Variants in CRTC1 observed in about 807,000 individuals in gnomAD.
CRTC1 encodes the protein CREB regulated transcription coactivator 1, also known as CREB-regulated transcription coactivator 1.
In CRTC1, 18 loss-of-function variants were observed where a neutral mutation model predicts 66.1. The observed-to-expected ratio is 0.27, with a 90% CI of 0.19 to 0.40. The LOEUF (loss-of-function observed/expected upper bound fraction) is 0.40. Among genes scored for constraint, CRTC1 ranks in the 10% least tolerant of loss-of-function variants. The pLI is 1.00. For synonymous variants in CRTC1, 416 were observed against 398.8 expected, an observed-to-expected ratio of 1.04 and a Z score of -0.51; for missense variants, 669 against 887.9, an observed-to-expected ratio of 0.75 and a Z score of 3.13.
At chr19:18,693,820 G>C (rs2052914873) in intron 1 of CRTC1, among the ~76,000 whole-genome samples, 1 of 150,774 alleles carries the variant, frequency 6.6e-6, no homozygotes, top group Non-Finnish European at 1.5e-5. Flanking sequence ...GATGTACTCT[G>C]TTTTGTTCTA....
intron 6 of CRTC1, among the ~76,000 whole-genome samples, 162 bp from the exon 7 acceptor site, chr19:18,759,389 T>C (rs1284698648): frequency 6.7e-6 from 1 of 149,806 alleles, no homozygotes; most frequent in East Asian, 2.0e-4. Flanking sequence ...GCGGTGCCCC[T>C]GTCCTCCATC....
intron 2 of CRTC1, among the ~76,000 whole-genome samples, chr19:18,745,474 G>T (rs1482801586): frequency 6.6e-6 from 1 of 152,212 alleles, no homozygotes; most frequent in Non-Finnish European, 1.5e-5. Flanking sequence ...TCTGCACCTG[G>T]TGAGACTGGG....
intron 1 of CRTC1, among the ~76,000 whole-genome samples, chr19:18,721,522 T>C (rs1395400485): frequency 1.4e-5 from 2 of 146,274 alleles, no homozygotes; most frequent in Non-Finnish European, 3.0e-5. Flanking sequence ...TTAAACAAGG[T>C]CTTGCTCTGT....
chr19:18,774,981 C>T lies in CRTC1; in HGVS notation c.1507C>T (p.His503Tyr), dbSNP rs551158960. 1.9e-6 allele frequency: 3 copies of T among 1,605,124 alleles called. No homozygotes were observed. In the Admixed American group the frequency reaches 5.0e-5, roughly 27 times the overall value. The change falls in exon 12 of 14, where the codon CAC (histidine) becomes TAC (tyrosine). Residue 503 changes from histidine (H) to tyrosine (Y), a missense_variant. Coordinates refer to ENST00000321949, the MANE Select transcript of CRTC1 (RefSeq NM_015321.3). ...GGCCAGGCAGGCCAATGCTCTGTCC[C>T]ACCAGGTGAGCGGGCGCCCAGGCTG... ...MAARQANALS[H>Y]QLEQFNMMEN...
intron 6 of CRTC1, among the ~76,000 whole-genome samples, chr19:18,757,423 G>A (rs371042956): frequency 1.3e-5 from 2 of 152,174 alleles, no homozygotes; most frequent in Non-Finnish European, 2.9e-5. Flanking sequence ...CCAACTCACC[G>A]GCCTCTGTCT....
In CRTC1 at chr19:18,747,153, T is replaced by A. The variant is rs145628026; in HGVS notation, c.443+39T>A. The A allele has an allele frequency of 0.012, 12,872 of 1,071,094 alleles. 89 individuals are homozygous for A. Among genetic ancestry groups the A allele is most frequent in the South Asian group, 0.021 (1,641 of 78,794 alleles). 66.3% of individuals were successfully genotyped at this position (1,071,094 alleles called of 1,614,324 possible). On this transcript the variant is annotated intron_variant, in intron 4 of 13. Transcript: ENST00000321949. ...CACCCCCCCCCCGCCCCCTTCTTGT[T>A]GGAAACAAAACCAAACTCTCATCAT... is the stretch of plus-strand genomic sequence containing the variant.
chr19:18,709,337 C>A (rs1280999702), intron 1 of CRTC1, among the ~76,000 whole-genome samples: 1 of 152,130 alleles, frequency 6.6e-6, no homozygotes, highest in Non-Finnish European at 1.5e-5. Context: ...CCTTTTTATG[C>A]CCACCTTGCC....
chr19:18,700,291 G>A (rs192089229), intron 1 of CRTC1, among the ~76,000 whole-genome samples: 12 of 152,232 alleles, frequency 7.9e-5, no homozygotes, highest in African/African-American at 2.9e-4. Context: ...TTCTCCCACT[G>A]CGGGTGCTAA....
At chr19:18,747,666 A>C (rs2054276610) in intron 4 of CRTC1, among the ~76,000 whole-genome samples, 1 of 152,218 alleles carries the variant, frequency 6.6e-6, no homozygotes, top group African/African-American at 2.4e-5. Flanking sequence ...CCGCATATTC[A>C]GCACTGTAGC....
intron 6 of CRTC1, among the ~76,000 whole-genome samples, 188 bp from the exon 7 acceptor site, chr19:18,759,363 G>A (rs372975140): frequency 2.6e-5 from 4 of 152,308 alleles, no homozygotes; most frequent in East Asian, 1.9e-4. Flanking sequence ...TCTGGGGCCC[G>A]CCCCTCCACC....
rs962089417 is a variant in CRTC1 at position 18,713,733 on chromosome 19, G to A, written c.127-29177G>A. ...TCCATTTGGAATATTCCACTTGCGC[G>A]TGAAGCAAAGGCCCAAGTATATGAA... On this transcript the variant is annotated intron_variant, in intron 1 of 13. Transcript: ENST00000321949. Among the ~76,000 whole-genome samples the A allele has an allele frequency of 4.7e-4, 71 of 152,340 alleles. 1 individual carries two copies. Among genetic ancestry groups the A allele is most frequent in the African/African-American group, 1.7e-3 (69 of 41,578 alleles).
At position 18,777,015 on chromosome 19, in the gene CRTC1, G is replaced by A. The variant is rs2055003803; in HGVS notation, c.1694-156G>A. ...GGTGCTGAGCAGCATCTCATGTGCT[G>A]GCCCCTCCCCCAGTCATGACAGCTG... is the stretch of plus-strand genomic sequence containing the variant. On this transcript the variant is annotated intron_variant, in intron 13 of 13. Coordinates refer to ENST00000321949, the MANE Select transcript of CRTC1 (RefSeq NM_015321.3). The surrounding 1 kb of genome is among the most constrained non-coding windows in gnomAD (Gnocchi z 5.5). Among the ~76,000 whole-genome samples the A allele has an allele frequency of 6.6e-6, 1 of 152,182 alleles. No homozygotes were observed. Among genetic ancestry groups the A allele is most frequent in the South Asian group, 2.1e-4 (1 of 4,830 alleles).
intron 1 of CRTC1, among the ~76,000 whole-genome samples, chr19:18,712,116 A>C (rs111997577): frequency 6.6e-6 from 1 of 151,582 alleles, no homozygotes; most frequent in Non-Finnish European, 1.5e-5. Context: ...AATTTTTAAA[A>C]TTTTTTTGTG....
intron 1 of CRTC1, among the ~76,000 whole-genome samples, chr19:18,727,600 A>AAAAAAAAAG (rs1245345054): frequency 2.0e-5 from 3 of 149,738 alleles, no homozygotes; most frequent in African/African-American, 7.4e-5. Context: ...AAAAAAAAGA[A>AAAAAAAAAG]GAAGAAAGGG....
At chr19:18,750,723 G>T (rs2054345565) in intron 5 of CRTC1, among the ~76,000 whole-genome samples, 1 of 152,240 alleles carries the variant, frequency 6.6e-6, no homozygotes, top group Non-Finnish European at 1.5e-5. Context: ...AGGAAGAGGA[G>T]GAGGAGGAGG....
Position 18,777,491 on chromosome 19 carries a change from G to C in CRTC1, c.*109G>C, listed in dbSNP as rs1202774001. ...CGGCCGAGCTTGTGATTCTGAGCTT[G>C]CAATGCCGCCAAGCGCCCCCCGCCA... is the stretch of plus-strand genomic sequence containing the variant. On this transcript the variant is annotated 3_prime_UTR_variant, in exon 14 of 14. Transcript: ENST00000321949. The surrounding 1 kb of genome is among the most constrained non-coding windows in gnomAD (Gnocchi z 5.5). The C allele has an allele frequency of 9.2e-7, 1 of 1,081,962 alleles. No homozygotes were observed. Among genetic ancestry groups the C allele is most frequent in the South Asian group, 1.3e-5 (1 of 77,910 alleles). The allele number at this position is 1,081,962 out of a possible 1,614,324, so 67.0% of individuals were successfully genotyped here.
intron 12 of CRTC1, among the ~76,000 whole-genome samples, 160 bp from the exon 13 acceptor site, chr19:18,775,481 G>A (rs957051547): frequency 9.8e-5 from 15 of 152,334 alleles, no homozygotes; most frequent in Middle Eastern, 3.4e-3. Context: ...CCCAGGTGGC[G>A]GGTGGAGTGG....
chr19:18,690,814 AG>A (rs1289439233), intron 1 of CRTC1, among the ~76,000 whole-genome samples: 2 of 151,952 alleles, frequency 1.3e-5, no homozygotes, highest in Admixed American at 1.3e-4. Flanking sequence ...TCACGAGGTC[AG>A]GAGATCGAGA....
At position 18,743,174 on chromosome 19, in the gene CRTC1, C is replaced by A. The variant is rs865890656; in HGVS notation, c.243+148C>A. The A allele has an allele frequency of 2.8e-5, 19 of 682,656 alleles. No homozygotes were observed. In the African/African-American group the frequency reaches 2.8e-4, roughly 10 times the overall value. The allele number at this position is 682,656 out of a possible 1,614,324, so 42.3% of individuals were successfully genotyped here. On this transcript the variant is annotated intron_variant, in intron 2 of 13. Coordinates refer to ENST00000321949, the MANE Select transcript of CRTC1 (RefSeq NM_015321.3). ...CCTTCTCCTTGTCTGCCCTGGGAAC[C>A]AGAGGAAGCAGAGTGGCCCCACCAG...
Sources: gnomAD v4.1 joint callset for allele counts (sites outside exome capture counted in the v4.1 genomes callset) on GRCh38, gnomAD v4.1.1 for gene constraint, Gnocchi (gnomAD v3.1) non-coding constraint, MANE v1.5 for transcripts, NCBI Gene and HGNC (gene_info 2026-07-23, HGNC 2026-07-21) for gene names.